HSPG2: variants seen among roughly 807,000 people sequenced by gnomAD.
HSPG2 encodes the protein heparan sulfate proteoglycan 2, also known as basement membrane-specific heparan sulfate proteoglycan core protein.
A neutral mutation model predicts 526.6 loss-of-function variants in HSPG2; 278 were observed. The observed-to-expected ratio is 0.53, with a 90% CI of 0.48 to 0.58. HSPG2 has a LOEUF of 0.58. Ranked by LOEUF, HSPG2 falls within the 20% of genes least tolerant of loss-of-function variation. The probability of loss-of-function intolerance (pLI) is 0.00; values close to 1 mark genes in which losing one functional copy is unlikely to be tolerated. For synonymous variants in HSPG2, 2,465 were observed against 2,555.4 expected, an observed-to-expected ratio of 0.96 and a Z score of 1.07; for missense variants, 5,354 against 6,099.5, an observed-to-expected ratio of 0.88 and a Z score of 4.07.
intron 1 of HSPG2, among the ~76,000 whole-genome samples, chr1:21,923,959 T>C (rs967131637): frequency 7.9e-5 from 12 of 152,350 alleles, no homozygotes; most frequent in African/African-American, 2.6e-4. Context: ...CTAGTCACAC[T>C]TTCTAAACAG....
chr1:21,899,941 C>A (rs911482263), intron 1 of HSPG2, among the ~76,000 whole-genome samples: 3 of 152,246 alleles, frequency 2.0e-5, no homozygotes, highest in Non-Finnish European at 4.4e-5. Flanking sequence ...CTGTCCCCAA[C>A]CTGACCAGCT....
chr1:21,880,074 T>A, intron 17 of HSPG2, 33 bp downstream of exon 17: 1 of 1,612,728 alleles, frequency 6.2e-7, no homozygotes, highest in Non-Finnish European at 8.5e-7. Flanking sequence ...CTTCTCCTAT[T>A]TTAGTGTTCA....
intron 1 of HSPG2, among the ~76,000 whole-genome samples, chr1:21,912,605 C>T (rs190135726): frequency 6.6e-6 from 1 of 152,188 alleles, no homozygotes; most frequent in Non-Finnish European, 1.5e-5. Flanking sequence ...GGTTCAATCC[C>T]ATCTCTGACA....
At chr1:21,857,433 G>T (rs375371818) in intron 42 of HSPG2, 48 bp from the exon 43 acceptor site, 1 of 1,532,528 alleles carries the variant, frequency 6.5e-7, no homozygotes, top group Admixed American at 1.7e-5. Context: ...GCTAGGCCCC[G>T]GTCCTGTGGC....
At chr1:21,935,827 G>GC (rs1415623049) in intron 1 of HSPG2, among the ~76,000 whole-genome samples, 2 of 152,166 alleles carry the variant, frequency 1.3e-5, no homozygotes, top group African/African-American at 4.8e-5. Flanking sequence ...CTACTGGATG[G>GC]CCCTGCTGAA....
At chr1:21,920,126 C>T (rs1421041907) in intron 1 of HSPG2, among the ~76,000 whole-genome samples, 5 of 152,198 alleles carry the variant, frequency 3.3e-5, no homozygotes, top group East Asian at 1.9e-4. Context: ...AGGCTGGTCT[C>T]GAACTCCTGG....
intron 1 of HSPG2, among the ~76,000 whole-genome samples, chr1:21,928,475 A>G (rs930523605): frequency 1.3e-5 from 2 of 152,200 alleles, no homozygotes; most frequent in South Asian, 2.1e-4. Context: ...GAGTCTCGCA[A>G]TGACGCCCAG....
At position 21,898,904 on chromosome 1, in the gene HSPG2, G is replaced by C. The variant is rs1237557200; in HGVS notation, c.64-2594C>G. On this transcript the variant is annotated intron_variant, in intron 1 of 96. Coordinates refer to ENST00000374695, the MANE Select transcript of HSPG2 (RefSeq NM_005529.7). The surrounding 1 kb of genome is among the most constrained non-coding windows in gnomAD (Gnocchi z 4.0). ...CGGTGAATGATGAGCAAGGTCCAGA[G>C]CTTTTCCCAGGGAGCAGGGAGCTGG... is the stretch of plus-strand genomic sequence containing the variant. Among the ~76,000 whole-genome samples, 1 of 152,260 alleles carries C rather than the reference G, an allele frequency of 6.6e-6. No homozygotes were observed. The highest frequency in any genetic ancestry group is 6.5e-5 in the Admixed American group (1 of 15,292).
chr1:21,843,547 CTGTT>C, intron 65 of HSPG2, 109 bp from the exon 66 acceptor site: 2 of 1,169,518 alleles, frequency 1.7e-6, no homozygotes, highest in Non-Finnish European at 2.4e-6. Context: ...TAGGCGCATC[CTGTT>C]GGAGGCGACC....
intron 18 of HSPG2, 118 bp from the exon 19 acceptor site, chr1:21,878,781 T>A: frequency 8.3e-7 from 1 of 1,210,640 alleles, no homozygotes. Context: ...TGACGCCATC[T>A]CCCTGCCCGG....
chr1:21,931,287 C>T (rs547474797), intron 1 of HSPG2, among the ~76,000 whole-genome samples: 1 of 152,244 alleles, frequency 6.6e-6, no homozygotes, highest in Non-Finnish European at 1.5e-5. Context: ...GGCGGCTCCC[C>T]GCGAAGTGAG....
intron 71 of HSPG2, 32 bp from the exon 72 acceptor site, chr1:21,840,049 G>A: frequency 1.3e-6 from 2 of 1,595,760 alleles, no homozygotes; most frequent in Non-Finnish European, 1.7e-6. Context: ...GGTTATGTGG[G>A]GACTCAGTGG....
Position 21,935,212 on chromosome 1 carries a change from CT to C in HSPG2, c.63+1942del, listed in dbSNP as rs547742252. Among the ~76,000 whole-genome samples the C allele has an allele frequency of 2.1e-3, 326 of 152,280 alleles. 1 individual carries two copies. The highest frequency in any genetic ancestry group is 7.7e-3 in the African/African-American group (319 of 41,558). Reference sequence around the variant, plus strand: ...GAGCCACCGCGCCTGGCCTGAAAAACTTTTTAAAAAGAATTTTATAAAGAGA... The same window carrying C: ...GAGCCACCGCGCCTGGCCTGAAAAACTTTTAAAAAGAATTTTATAAAGAGA... On this transcript the variant is annotated intron_variant, in intron 1 of 96. Transcript: ENST00000374695.
chr1:21,905,132 G>C (rs1189985229), intron 1 of HSPG2, among the ~76,000 whole-genome samples: 2 of 150,702 alleles, frequency 1.3e-5, no homozygotes, highest in African/African-American at 2.4e-5. Flanking sequence ...GGCCAACCAG[G>C]TTCTATGTAA....
At chr1:21,880,887 T>C (rs780435070) in intron 14 of HSPG2, 52 bp from the exon 15 acceptor site, 2 of 1,524,374 alleles carry the variant, frequency 1.3e-6, no homozygotes, top group Non-Finnish European at 1.8e-6. Flanking sequence ...ACTTGACACC[T>C]CGTGCCTATG....
At chr1:21,873,855 G>A (rs1640844723) in intron 29 of HSPG2, 70 bp downstream of exon 29, 2 of 1,356,990 alleles carry the variant, frequency 1.5e-6, no homozygotes, top group Admixed American at 4.1e-5. Context: ...TGGGAGCGCT[G>A]GGCCCTGCCT....
At chr1:21,875,367 T>A (rs1194165866) in intron 25 of HSPG2, among the ~76,000 whole-genome samples, 9 of 151,986 alleles carry the variant, frequency 5.9e-5, no homozygotes, top group Non-Finnish European at 1.2e-4. Flanking sequence ...TGAAACCATA[T>A]CCCTGCATGG....
At chr1:21,879,477 G>C (rs960456405) in intron 17 of HSPG2, among the ~76,000 whole-genome samples, 11 of 152,290 alleles carry the variant, frequency 7.2e-5, no homozygotes, top group Non-Finnish European at 1.2e-4. Flanking sequence ...TCTTCTGTCA[G>C]CTCCACAATC....
Position 21,823,373 on chromosome 1 carries a change from G to A in HSPG2, c.13119C>T (p.Pro4373=), listed in dbSNP as rs2229477. The part of the protein sequence containing the change: ...SARPGAPPPQ[P]LDLQHRAQAG... Reference sequence around the variant, plus strand: ...CCTGGGCGCGGTGCTGCAGGTCCAGGGGCTGTGGGGGCGGGGCGCCGGGTC... The same window carrying A: ...CCTGGGCGCGGTGCTGCAGGTCCAGAGGCTGTGGGGGCGGGGCGCCGGGTC... Residue 4373 remains proline, a synonymous_variant, in exon 97 of 97, where the codon CCC becomes CCT. Transcript: ENST00000374695. 2,591 of 1,551,130 alleles carry A rather than the reference G, an allele frequency of 1.7e-3. 43 individuals are homozygous for A. In the African/African-American group the frequency reaches 0.029, roughly 18 times the overall value.
Sources: gnomAD v4.1 joint callset for allele counts (sites outside exome capture counted in the v4.1 genomes callset) on GRCh38, gnomAD v4.1.1 for gene constraint, Gnocchi (gnomAD v3.1) non-coding constraint, MANE v1.5 for transcripts, NCBI Gene and HGNC (gene_info 2026-07-23, HGNC 2026-07-21) for gene names.